GLYATL3: variants seen among roughly 807,000 people sequenced by gnomAD.
GLYATL3 encodes the protein glycine N-acyltransferase-like protein 3.
Under a neutral mutation model 28.5 loss-of-function variants are expected in GLYATL3, and 31 were observed. That is an observed-to-expected ratio of 1.09 (90% CI 0.82 to 1.47). The LOEUF (loss-of-function observed/expected upper bound fraction) is 1.47, where lower values mean the gene tolerates loss of function less well. Among genes scored for constraint, GLYATL3 ranks in the 40% most tolerant of loss-of-function variants. The pLI is 0.00. For synonymous variants in GLYATL3, 141 were observed against 140.2 expected, an observed-to-expected ratio of 1.01 and a Z score of -0.04; for missense variants, 369 against 351.5, an observed-to-expected ratio of 1.05 and a Z score of -0.40.
chr6:49,513,782 A>C (rs1769163695), intron 2 of GLYATL3, among the ~76,000 whole-genome samples: 1 of 152,208 alleles, frequency 6.6e-6, no homozygotes, highest in Non-Finnish European at 1.5e-5. Flanking sequence ...GTACAATTCT[A>C]GGCATTGAAG....
At chr6:49,513,518 C>T (rs1304668655) in intron 2 of GLYATL3, among the ~76,000 whole-genome samples, 1 of 152,152 alleles carries the variant, frequency 6.6e-6, no homozygotes, top group East Asian at 1.9e-4. Flanking sequence ...ATTTAGGTTA[C>T]ATTCTTGAGT....
chr6:49,510,276 A>C lies in GLYATL3; in HGVS notation c.-28-1687A>C, dbSNP rs1417629451. Among the ~76,000 whole-genome samples, 3 of 152,046 alleles carry C rather than the reference A, an allele frequency of 2.0e-5. No homozygotes were observed. The East Asian group carries it at 5.8e-4, about 29-fold the overall frequency. On this transcript the variant is annotated intron_variant, in intron 1 of 5. Transcript: ENST00000371197. The stretch of plus-strand genomic sequence containing the variant: ...AGGCTGGTCTCGAACTCCTGACCTC[A>C]GGTGATCCACCCGCCTCGGCCTTCC...
At chr6:49,515,564 T>C (rs2127432749) in intron 2 of GLYATL3, 89 bp from the exon 3 acceptor site, 1 of 733,144 alleles carries the variant, frequency 1.4e-6, no homozygotes, top group Middle Eastern at 2.3e-4. Flanking sequence ...GTGGACATGA[T>C]TACACAGTAG....
intron 4 of GLYATL3, 27 bp from the exon 5 acceptor site, chr6:49,521,618 T>TA: frequency 6.6e-7 from 1 of 1,519,618 alleles, no homozygotes; most frequent in Non-Finnish European, 8.8e-7. Context: ...AATGCCCACA[T>TA]ATTAAATTAT....
At chr6:49,517,319 C>T (rs893999080) in intron 3 of GLYATL3, 111 bp from the exon 4 acceptor site, 9 of 846,264 alleles carry the variant, frequency 1.1e-5, no homozygotes, top group East Asian at 3.1e-5. Context: ...ATTTTGTTAG[C>T]CACCTATAAA....
At position 49,527,514 on chromosome 6, in the gene GLYATL3, T is replaced by C. The variant is rs939286035; in HGVS notation, c.*600T>C. Among the ~76,000 whole-genome samples the C allele has an allele frequency of 6.6e-6, 1 of 152,196 alleles. No individual in the cohort carries two copies. Among genetic ancestry groups the C allele is most frequent in the African/African-American group, 2.4e-5 (1 of 41,452 alleles). ...ATAGTGGTTCTTACATTTTAGTGTT[T>C]ATCAGAATCACCCAGAGGGCAGGTT... On this transcript the variant is annotated 3_prime_UTR_variant, in exon 6 of 6. Transcript: ENST00000371197.
intron 1 of GLYATL3, among the ~76,000 whole-genome samples, chr6:49,511,412 C>T (rs1360772429): frequency 6.6e-6 from 1 of 152,114 alleles, no homozygotes; most frequent in Non-Finnish European, 1.5e-5. Flanking sequence ...TTCCTCATAA[C>T]GACCCGACCC....
chr6:49,517,169 AAAG>A (rs1362782857), intron 3 of GLYATL3, among the ~76,000 whole-genome samples: 1 of 149,448 alleles, frequency 6.7e-6, no homozygotes, highest in African/African-American at 2.5e-5. Flanking sequence ...AAAAAAAAAA[AAAG>A]AAAAGAAAGA....
At chr6:49,517,839 C>T (rs1769245018) in intron 4 of GLYATL3, among the ~76,000 whole-genome samples, 1 of 152,120 alleles carries the variant, frequency 6.6e-6, no homozygotes. Flanking sequence ...TCTACTATTA[C>T]TGTAATATGG....
chr6:49,501,933 T>C (rs1440211264), intron 1 of GLYATL3, among the ~76,000 whole-genome samples: 5 of 152,212 alleles, frequency 3.3e-5, no homozygotes, highest in Non-Finnish European at 7.3e-5. Context: ...ATCTTGGTGA[T>C]GTGAAACCTC....
intron 1 of GLYATL3, among the ~76,000 whole-genome samples, chr6:49,505,940 G>C (rs1340655650): frequency 6.6e-6 from 1 of 151,584 alleles, no homozygotes; most frequent in Non-Finnish European, 1.5e-5. Flanking sequence ...CTCACTCGTT[G>C]TTCTACAAAA....
chr6:49,506,373 G>A (rs1413034988), intron 1 of GLYATL3, among the ~76,000 whole-genome samples: 3 of 152,114 alleles, frequency 2.0e-5, no homozygotes, highest in East Asian at 3.9e-4. Context: ...ACACAGTACC[G>A]ACAAACAACT....
rs569386315 is a variant in GLYATL3 at position 49,527,776 on chromosome 6, C to G, written c.*862C>G. On this transcript the variant is annotated 3_prime_UTR_variant, in exon 6 of 6. Coordinates refer to ENST00000371197, the MANE Select transcript of GLYATL3 (RefSeq NM_001010904.2). ...ATATATAGGGGTGTTTGGGGGTATG[C>G]AAATGAATATATAACATATATGCAT... Among the ~76,000 whole-genome samples the G allele has an allele frequency of 3.9e-5, 6 of 152,176 alleles. No individual in the cohort carries two copies. In the East Asian group the frequency reaches 1.2e-3, roughly 29 times the overall value.
At chr6:49,509,419 C>A (rs1769073358) in intron 1 of GLYATL3, among the ~76,000 whole-genome samples, 1 of 152,174 alleles carries the variant, frequency 6.6e-6, no homozygotes, top group Admixed American at 6.5e-5. Flanking sequence ...ACGAAACTTA[C>A]CTAACACGTG....
intron 1 of GLYATL3, among the ~76,000 whole-genome samples, chr6:49,500,925 T>C (rs1430975005): frequency 2.0e-5 from 3 of 152,222 alleles, no homozygotes; most frequent in East Asian, 1.9e-4. Context: ...AAGATCCTTA[T>C]GAAATGAATC....
intron 1 of GLYATL3, among the ~76,000 whole-genome samples, chr6:49,510,029 C>T (rs2498468): frequency 0.91 from 131,335 of 144,084 alleles, 59,363 homozygotes; most frequent in East Asian, 0.94. Flanking sequence ...TCCTTTATTT[C>T]ATTTATTTAT....
intron 1 of GLYATL3, among the ~76,000 whole-genome samples, chr6:49,509,923 T>C (rs981273197): frequency 5.5e-5 from 8 of 146,570 alleles, no homozygotes; most frequent in Non-Finnish European, 1.1e-4. Context: ...ATTATTTTTC[T>C]TGATATATTT....
intron 2 of GLYATL3, among the ~76,000 whole-genome samples, chr6:49,514,804 G>C (rs1769184256): frequency 6.6e-6 from 1 of 152,120 alleles, no homozygotes; most frequent in African/African-American, 2.4e-5. Flanking sequence ...CTGAACTCCA[G>C]CCTGGGTGAC....
At chr6:49,514,326 G>A (rs974964681) in intron 2 of GLYATL3, among the ~76,000 whole-genome samples, 2 of 152,136 alleles carry the variant, frequency 1.3e-5, no homozygotes, top group Non-Finnish European at 2.9e-5. Context: ...TCAACATTAT[G>A]TTTGTGAAAT....
Sources: gnomAD v4.1 joint callset for allele counts (sites outside exome capture counted in the v4.1 genomes callset) on GRCh38, gnomAD v4.1.1 for gene constraint, MANE v1.5 for transcripts, NCBI Gene and HGNC (gene_info 2026-07-23, HGNC 2026-07-21) for gene names.